TPRA1: variants seen among roughly 807,000 people sequenced by gnomAD.
The protein encoded by TPRA1 is transmembrane protein adipocyte associated 1.
A neutral mutation model predicts 40.1 loss-of-function variants in TPRA1; 28 were observed. That is an observed-to-expected ratio of 0.70 (90% confidence interval 0.52 to 0.96). TPRA1 has a LOEUF of 0.96. Ranked by LOEUF, TPRA1 falls within the 40% of genes least tolerant of loss-of-function variation. The pLI, the probability that TPRA1 is intolerant of heterozygous loss-of-function variation, is 0.00. For synonymous variants in TPRA1, 219 were observed against 209.7 expected (o/e 1.04, Z -0.38); for missense variants, 441 against 482.6 (o/e 0.91, Z 0.81).
chr3:127,572,897 AGC>A lies in TPRA1; in HGVS notation c.*622_*623del, dbSNP rs1202594601. Among the ~76,000 whole-genome samples the A allele has an allele frequency of 6.6e-6, 1 of 152,132 alleles. No homozygotes were observed. Among genetic ancestry groups the A allele is most frequent in the Admixed American group, 6.6e-5 (1 of 15,266 alleles). On this transcript the variant is annotated 3_prime_UTR_variant, in exon 11 of 11. Coordinates refer to ENST00000355552, the MANE Select transcript of TPRA1 (RefSeq NM_001136053.4). ...TGGGCCCAGGGGCAGGGGCAGCGGCAGCTGGGATCCTGTTTCTCTTCACCTCC... is the reference window on the plus strand; with the variant it reads ...TGGGCCCAGGGGCAGGGGCAGCGGCATGGGATCCTGTTTCTCTTCACCTCC...
chr3:127,581,921 CAAAA>C (rs1169900565), intron 1 of TPRA1, among the ~76,000 whole-genome samples: 2 of 89,436 alleles, frequency 2.2e-5, no homozygotes, highest in Admixed American at 1.3e-4. Context: ...GACTCCATCT[CAAAA>C]AAAAAAAAAA....
chr3:127,579,963 C>CT lies in TPRA1; in HGVS notation c.125+58dup. On this transcript the variant is annotated intron_variant, in intron 2 of 10. Transcript: ENST00000355552. ...AATCTGCCCCACCCTCACCACCCCC[C>CT]TACACCAGGAAAAGCCACTGACACT... 3.1e-6 allele frequency: 5 copies of CT among 1,610,172 alleles called. No individual in the cohort carries two copies. In the South Asian group the frequency reaches 3.3e-5, roughly 11 times the overall value.
At chr3:127,581,117 G>A (rs917996644) in intron 1 of TPRA1, among the ~76,000 whole-genome samples, 8 of 152,246 alleles carry the variant, frequency 5.3e-5, no homozygotes, top group African/African-American at 1.9e-4. Context: ...GGCAGCAACA[G>A]GTACTTCCGC....
Position 127,576,707 on chromosome 3 carries a change from C to T in TPRA1, c.419-11G>A, listed in dbSNP as rs763584682. On this transcript the variant is annotated splice_polypyrimidine_tract_variant and intron_variant, in intron 5 of 10. Transcript: ENST00000355552. The surrounding 1 kb of genome is among the most constrained non-coding windows in gnomAD (Gnocchi z 4.6). ...TACTCTCCAGGTGGCCTGGAAGAAACATGCTGGTCAGCAGGCAGGAGCCAG... is the reference window on the plus strand; with the variant it reads ...TACTCTCCAGGTGGCCTGGAAGAAATATGCTGGTCAGCAGGCAGGAGCCAG... The T allele has an allele frequency of 3.7e-6, 6 of 1,609,154 alleles. No homozygotes were observed. The highest frequency in any genetic ancestry group is 5.1e-6 in the Non-Finnish European group (6 of 1,177,828).
intron 1 of TPRA1, among the ~76,000 whole-genome samples, chr3:127,581,108 G>A (rs1267124526): frequency 6.6e-6 from 1 of 152,210 alleles, no homozygotes; most frequent in African/African-American, 2.4e-5. Flanking sequence ...CTCTCAGGAG[G>A]CAGCAACAGG....
At chr3:127,587,745 C>T (rs1462162481) in intron 1 of TPRA1, among the ~76,000 whole-genome samples, 5 of 144,274 alleles carry the variant, frequency 3.5e-5, no homozygotes, top group Non-Finnish European at 7.5e-5. Flanking sequence ...GGCGCGATGT[C>T]GGCTCACTGC....
chr3:127,575,373 C>T (rs1255344536), intron 9 of TPRA1, 30 bp downstream of exon 9: 7 of 1,571,358 alleles, frequency 4.5e-6, no homozygotes, highest in East Asian at 2.3e-5. Context: ...CATGCCCCCA[C>T]GAGGCAGACA....
upstream of TPRA1, among the ~76,000 whole-genome samples, chr3:127,591,736 C>T (rs2074173821): frequency 6.6e-6 from 1 of 152,200 alleles, no homozygotes; most frequent in African/African-American, 2.4e-5. Flanking sequence ...GCCTCCCCGT[C>T]CAGTCTCCCC....
In TPRA1 at chr3:127,575,823, C is replaced by A. The variant is rs780934717; in HGVS notation, c.610-14G>T. On this transcript the variant is annotated splice_polypyrimidine_tract_variant and intron_variant, in intron 7 of 10. Coordinates refer to ENST00000355552, the MANE Select transcript of TPRA1 (RefSeq NM_001136053.4). ...CAGAGAGTAGACCTACAGAGACAGG[C>A]AGGGCTGAGAAGGTGCTGGGGGCGC... is the stretch of plus-strand genomic sequence containing the variant. 3.1e-6 allele frequency: 5 copies of A among 1,613,692 alleles called. No individual in the cohort carries two copies. The highest frequency in any genetic ancestry group is 3.4e-6 in the Non-Finnish European group (4 of 1,179,974).
At chr3:127,584,478 A>AAAAAAAAAC (rs2073938995) in intron 1 of TPRA1, among the ~76,000 whole-genome samples, 1 of 149,296 alleles carries the variant, frequency 6.7e-6, no homozygotes, top group Non-Finnish European at 1.5e-5. Context: ...AAAAAAAAAA[A>AAAAAAAAAC]AAGAAGCAAA....
chr3:127,584,696 C>T (rs1353192722), intron 1 of TPRA1, among the ~76,000 whole-genome samples: 2 of 152,190 alleles, frequency 1.3e-5, no homozygotes, highest in South Asian at 2.1e-4. Context: ...TGAGTTTTAT[C>T]CAACTGGACA....
intron 1 of TPRA1, among the ~76,000 whole-genome samples, chr3:127,590,135 G>A (rs1031390875): frequency 8.5e-5 from 13 of 152,160 alleles, no homozygotes; most frequent in African/African-American, 2.9e-4. Flanking sequence ...GCCTCCAGCC[G>A]GGGCCGAGCC....
chr3:127,591,299 C>G (rs1362019324), upstream of TPRA1, among the ~76,000 whole-genome samples: 2 of 152,230 alleles, frequency 1.3e-5, no homozygotes, highest in Non-Finnish European at 2.9e-5. Context: ...GGGCACTCCT[C>G]TTAGCAACCC....
At chr3:127,577,916 G>A (rs1249950328) in intron 3 of TPRA1, among the ~76,000 whole-genome samples, 1 of 152,240 alleles carries the variant, frequency 6.6e-6, no homozygotes, top group Non-Finnish European at 1.5e-5. Flanking sequence ...GGGCTGCTGG[G>A]AAAGGCAGAC....
At chr3:127,595,771 C>T (rs1171407051) in intron 1 of TPRA1, 2 of 152,222 alleles carry the variant, frequency 1.3e-5, no homozygotes, top group African/African-American at 4.8e-5. Context: ...CTCTTGTTCG[C>T]TTGCTCTGAA....
In TPRA1 at chr3:127,575,478, C is replaced by A; in HGVS notation, c.698G>T (p.Gly233Val). 6.3e-7 allele frequency: 1 copy of A among 1,595,822 alleles called. No homozygotes were observed. The highest frequency in any genetic ancestry group is 8.5e-7 in the Non-Finnish European group (1 of 1,171,668). The change falls in exon 9 of 11, where the codon GGC becomes GTC. Residue 233 changes from glycine (G) to valine (V), a missense_variant. Gly to Val is a moderately radical substitution (Grantham distance 109). Coordinates refer to ENST00000355552, the MANE Select transcript of TPRA1 (RefSeq NM_001136053.4). ...CAGTAGGTTGAGCAGTGCCAGGATGCCCGCATACACGTAGAAGCTCCTCCG... is the reference window on the plus strand; with the variant it reads ...CAGTAGGTTGAGCAGTGCCAGGATGACCGCATACACGTAGAAGCTCCTCCG... ...PSRRSFYVYAGILALLNLLQG... is the reference protein window; with the variant it reads ...PSRRSFYVYAVILALLNLLQG...
chr3:127,573,316 G>T lies in TPRA1; in HGVS notation c.*205C>A. 1 of 606,394 alleles carries T rather than the reference G, an allele frequency of 1.6e-6. No homozygotes were observed. The highest frequency in any genetic ancestry group is 2.8e-6 in the Non-Finnish European group (1 of 358,224). 37.6% of individuals were successfully genotyped at this position (606,394 alleles called of 1,614,324 possible). A position where few individuals can be genotyped will look rare whatever the true frequency, so the allele number is the denominator to read the frequency against. ...TGAGCAGTATGAGAGCAGGTGGGAA[G>T]GGGAGGAGGGTCCCCAGTGAGAGCA... is the stretch of plus-strand genomic sequence containing the variant. On this transcript the variant is annotated 3_prime_UTR_variant, in exon 11 of 11. Transcript: ENST00000355552.
intron 1 of TPRA1, among the ~76,000 whole-genome samples, chr3:127,581,394 T>C (rs570439128): frequency 2.6e-5 from 4 of 152,246 alleles, no homozygotes; most frequent in South Asian, 2.1e-4. Flanking sequence ...AGAAGTGATA[T>C]AGCGTGAAGC....
chr3:127,592,107 C>T (rs73858497), upstream of TPRA1, among the ~76,000 whole-genome samples: 131 of 152,310 alleles, frequency 8.6e-4, no homozygotes, highest in African/African-American at 3.1e-3. Flanking sequence ...ATGACCACAG[C>T]CACAATGAGC....
Sources: gnomAD v4.1 joint callset for allele counts (sites outside exome capture counted in the v4.1 genomes callset) on GRCh38, gnomAD v4.1.1 for gene constraint, Gnocchi (gnomAD v3.1) non-coding constraint, MANE v1.5 for transcripts, NCBI Gene and HGNC (gene_info 2026-07-23, HGNC 2026-07-21) for gene names.